Variants in CATSPER3 observed in about 807,000 individuals in gnomAD.
CATSPER3 encodes the protein cation channel sperm associated 3, also known as cation channel sperm-associated protein 3.
Under a neutral mutation model 36.6 loss-of-function variants are expected in CATSPER3, and 23 were observed. That is an observed-to-expected ratio of 0.63 (90% confidence interval 0.45 to 0.89). The LOEUF is 0.89. Ranked by LOEUF, CATSPER3 falls within the 40% of genes least tolerant of loss-of-function variation. The pLI, the probability that CATSPER3 is intolerant of heterozygous loss-of-function variation, is 0.00. For missense variants in CATSPER3, 474 were observed against 503.9 expected (o/e 0.94, Z 0.57); for synonymous variants, 172 against 184.1 (o/e 0.93, Z 0.53).
chr5:135,009,908 A>C (rs1040583075), intron 6 of CATSPER3, among the ~76,000 whole-genome samples: 7 of 152,196 alleles, frequency 4.6e-5, no homozygotes, highest in Admixed American at 1.3e-4. Flanking sequence ...CTAAACCCAG[A>C]ACAAGAATGG....
chr5:134,979,239 C>G (rs1368810932), intron 2 of CATSPER3, among the ~76,000 whole-genome samples: 2 of 152,118 alleles, frequency 1.3e-5, no homozygotes, highest in African/African-American at 4.8e-5. Flanking sequence ...TGGGCTCAAG[C>G]AATCCTCCCA....
intron 3 of CATSPER3, among the ~76,000 whole-genome samples, chr5:134,997,905 A>G (rs1429219797): frequency 1.3e-5 from 2 of 151,892 alleles, no homozygotes; most frequent in African/African-American, 4.8e-5. Flanking sequence ...CTTCCCCTCC[A>G]GTATTTCTTT....
chr5:134,998,383 T>A (rs1019616945), intron 3 of CATSPER3, among the ~76,000 whole-genome samples: 1 of 152,214 alleles, frequency 6.6e-6, no homozygotes, highest in African/African-American at 2.4e-5. Flanking sequence ...TAAACATACA[T>A]GTGCATGTGT....
chr5:135,000,588 C>T (rs1189695137), intron 3 of CATSPER3, among the ~76,000 whole-genome samples: 2 of 152,186 alleles, frequency 1.3e-5, no homozygotes, highest in Non-Finnish European at 2.9e-5. Context: ...ATTACTGCCT[C>T]AATTTCAGAG....
At chr5:135,003,627 T>C (rs904391203) in intron 3 of CATSPER3, among the ~76,000 whole-genome samples, 2 of 152,214 alleles carry the variant, frequency 1.3e-5, no homozygotes, top group African/African-American at 4.8e-5. Context: ...AGCCGCTTTG[T>C]TTACCTACTC....
rs143770302 is a variant in CATSPER3, at chr5:134,982,904, A to G, written c.252+12812A>G. On this transcript the variant is annotated intron_variant, in intron 2 of 7. Coordinates refer to ENST00000282611, the MANE Select transcript of CATSPER3 (RefSeq NM_178019.3). ...TTTGAAGGAGTAGTTTATAATCACAAAAACATGAAGGGAGAGAGATGAAGC... is the reference window on the plus strand; with the variant it reads ...TTTGAAGGAGTAGTTTATAATCACAGAAACATGAAGGGAGAGAGATGAAGC... Among the ~76,000 whole-genome samples, 533 of 152,362 alleles carry G rather than the reference A, an allele frequency of 3.5e-3. 2 individuals are homozygous for G. Among genetic ancestry groups the G allele is most frequent in the African/African-American group, 0.012 (508 of 41,590 alleles).
At chr5:135,001,861 C>A (rs1277466354) in intron 3 of CATSPER3, among the ~76,000 whole-genome samples, 1 of 152,174 alleles carries the variant, frequency 6.6e-6, no homozygotes, top group Non-Finnish European at 1.5e-5. Context: ...TGTGTCTCTG[C>A]ACGTGAGATG....
At chr5:134,996,708 A>G (rs1329910637) in intron 3 of CATSPER3, among the ~76,000 whole-genome samples, 196 bp downstream of exon 3, 2 of 152,254 alleles carry the variant, frequency 1.3e-5, no homozygotes, top group Non-Finnish European at 2.9e-5. Flanking sequence ...GCTCCATTTT[A>G]CAGATGAAGA....
chr5:135,006,836 G>GAAA (rs35478061), intron 3 of CATSPER3, among the ~76,000 whole-genome samples: 23 of 112,948 alleles, frequency 2.0e-4, no homozygotes, highest in African/African-American at 7.5e-4. Flanking sequence ...ACTCCGTCTC[G>GAAA]AAAAAAAAAA....
intron 3 of CATSPER3, among the ~76,000 whole-genome samples, chr5:134,998,334 G>T (rs1057114015): frequency 1.1e-4 from 16 of 152,200 alleles, no homozygotes; most frequent in African/African-American, 3.4e-4. Context: ...GGGCATTCGG[G>T]TTGGTTCCAA....
intron 3 of CATSPER3, among the ~76,000 whole-genome samples, chr5:135,005,912 A>T (rs1317571842): frequency 6.6e-6 from 1 of 152,162 alleles, no homozygotes; most frequent in Non-Finnish European, 1.5e-5. Context: ...CCCTCCAAGC[A>T]CTGGGCCTGG....
chr5:134,978,872 G>A (rs1281846168), intron 2 of CATSPER3, among the ~76,000 whole-genome samples: 2 of 150,858 alleles, frequency 1.3e-5, no homozygotes, highest in South Asian at 2.1e-4. Context: ...GGTGCACGGT[G>A]CCATGCCCGG....
At chr5:134,972,077 A>G (rs528073633) in intron 2 of CATSPER3, among the ~76,000 whole-genome samples, 1 of 152,300 alleles carries the variant, frequency 6.6e-6, no homozygotes, top group African/African-American at 2.4e-5. Flanking sequence ...AAAGAGAATG[A>G]GGTAGAGAAT....
At chr5:134,974,769 C>A (rs1751648321) in intron 2 of CATSPER3, among the ~76,000 whole-genome samples, 1 of 152,174 alleles carries the variant, frequency 6.6e-6, no homozygotes, top group African/African-American at 2.4e-5. Context: ...CTTGGCACCA[C>A]TTCTGTGAAC....
At chr5:134,994,871 C>G (rs1751924364) in intron 2 of CATSPER3, among the ~76,000 whole-genome samples, 1 of 152,038 alleles carries the variant, frequency 6.6e-6, no homozygotes, top group Non-Finnish European at 1.5e-5. Flanking sequence ...TTTATTTTGT[C>G]TCAATTCCTG....
At chr5:134,973,345 A>C (rs1017420493) in intron 2 of CATSPER3, among the ~76,000 whole-genome samples, 8 of 152,210 alleles carry the variant, frequency 5.3e-5, no homozygotes, top group African/African-American at 1.9e-4. Context: ...AAAGTTTCAA[A>C]ATCATTTTCA....
chr5:134,996,086 G>A (rs1751941822), intron 2 of CATSPER3, among the ~76,000 whole-genome samples, 187 bp from the exon 3 acceptor site: 1 of 152,166 alleles, frequency 6.6e-6, no homozygotes, highest in African/African-American at 2.4e-5. Context: ...CACGGGGTAG[G>A]GAGGACAGAG....
intron 2 of CATSPER3, among the ~76,000 whole-genome samples, chr5:134,977,685 G>A (rs922311077): frequency 3.3e-5 from 5 of 151,968 alleles, no homozygotes; most frequent in African/African-American, 9.7e-5. Flanking sequence ...CCTTTATATC[G>A]GTACCACACT....
intron 1 of CATSPER3, 152 bp downstream of exon 1, chr5:134,968,241 G>A (rs1185578016): frequency 7.4e-6 from 5 of 673,640 alleles, no homozygotes; most frequent in Non-Finnish European, 1.1e-5. Context: ...TCTATGATTG[G>A]TGAGGCTGGC....
Sources: allele counts gnomAD v4.1 joint callset (sites outside exome capture counted in the v4.1 genomes callset), GRCh38; gene constraint gnomAD v4.1.1; transcripts MANE v1.5; gene names NCBI Gene and HGNC (gene_info 2026-07-23, HGNC 2026-07-21).